PPM1L: variants seen among roughly 807,000 people sequenced by gnomAD.
PPM1L encodes protein phosphatase 1L.
Under a neutral mutation model 31.4 loss-of-function variants are expected in PPM1L, and 13 were observed. That is an observed-to-expected ratio of 0.41 (90% confidence interval 0.27 to 0.66). The LOEUF (loss-of-function observed/expected upper bound fraction) is 0.66. Among genes scored for constraint, PPM1L ranks in the 30% least tolerant of loss-of-function variants. The pLI, the probability that PPM1L is intolerant of heterozygous loss-of-function variation, is 0.29. For missense variants in PPM1L, 326 were observed against 453.7 expected, an observed-to-expected ratio of 0.72 and a Z score of 2.56; for synonymous variants, 184 against 175.4, an observed-to-expected ratio of 1.05 and a Z score of -0.39.
chr3:160,791,876 A>C (rs566452791), intron 1 of PPM1L, among the ~76,000 whole-genome samples: 3 of 152,288 alleles, frequency 2.0e-5, no homozygotes, highest in Admixed American at 2.0e-4. Flanking sequence ...CGCTACTGCA[A>C]AGGTGACATG....
intron 1 of PPM1L, among the ~76,000 whole-genome samples, chr3:160,899,760 T>G (rs182720548): frequency 1.1e-3 from 173 of 152,318 alleles, no homozygotes; most frequent in African/African-American, 4.0e-3. Flanking sequence ...GTTTATGAAT[T>G]TATTAAGGTT....
intron 1 of PPM1L, among the ~76,000 whole-genome samples, chr3:160,944,802 C>CATATATTATATATGTT (rs1553748137): frequency 0.065 from 935 of 14,284 alleles, 96 homozygotes; most frequent in African/African-American, 0.12. Context: ...TTATATATAA[C>CATATATTATATATGTT]ATATATAACA....
rs192847379 is a variant in PPM1L, at chr3:160,875,024, A to T, written c.400-86712A>T. On this transcript the variant is annotated intron_variant, in intron 1 of 3. Transcript: ENST00000498165. ...GAAATAAACTCTGAGCCCTTCTCCA[A>T]ACTGCAGATTCATGAACAAAATGAA... Among the ~76,000 whole-genome samples the T allele has an allele frequency of 2.2e-3, 341 of 152,312 alleles. 2 individuals carry two copies. The highest frequency in any genetic ancestry group is 4.2e-3 in the Non-Finnish European group (287 of 68,032).
chr3:160,761,036 A>G (rs1310403417), intron 1 of PPM1L, among the ~76,000 whole-genome samples: 2 of 152,132 alleles, frequency 1.3e-5, no homozygotes, highest in Non-Finnish European at 2.9e-5. Context: ...CCTGAAGAAT[A>G]TATATATAGT....
rs181502029 is a variant in PPM1L, at chr3:160,820,143, C to T, written c.399+63436C>T. 2.0e-5 allele frequency among the ~76,000 whole-genome samples: 3 copies of T among 152,108 alleles called. No individual in the cohort carries two copies. The East Asian group carries it at 5.8e-4, about 29-fold the overall frequency. ...AGAGGATGATGAGGCATAACCTTAGCAGTGATAGTGGAATGAAGAGCTGGA... is the reference window on the plus strand; with the variant it reads ...AGAGGATGATGAGGCATAACCTTAGTAGTGATAGTGGAATGAAGAGCTGGA... On this transcript the variant is annotated intron_variant, in intron 1 of 3. Transcript: ENST00000498165.
intron 2 of PPM1L, among the ~76,000 whole-genome samples, chr3:161,045,619 G>A (rs939548500): frequency 2.6e-5 from 4 of 152,200 alleles, no homozygotes; most frequent in African/African-American, 9.7e-5. Context: ...CACATTTAAA[G>A]CAGTGTGTAG....
intron 1 of PPM1L, among the ~76,000 whole-genome samples, chr3:160,875,633 C>T (rs1712481790): frequency 6.6e-6 from 1 of 152,236 alleles, no homozygotes; most frequent in Non-Finnish European, 1.5e-5. Flanking sequence ...GTGCAAGGCA[C>T]TATGCTAAGT....
chr3:160,877,591 C>A (rs561408493), intron 1 of PPM1L, among the ~76,000 whole-genome samples: 1 of 152,124 alleles, frequency 6.6e-6, no homozygotes, highest in East Asian at 1.9e-4. Context: ...GGTTTAGGAG[C>A]ATAGGTTTAA....
intron 1 of PPM1L, among the ~76,000 whole-genome samples, chr3:160,833,396 A>G (rs764560378): frequency 6.6e-6 from 1 of 152,186 alleles, no homozygotes; most frequent in Non-Finnish European, 1.5e-5. Flanking sequence ...ATTCCCACCA[A>G]CAGTGTAAAA....
chr3:160,974,237 T>C (rs112871042), intron 2 of PPM1L, among the ~76,000 whole-genome samples: 1 of 151,660 alleles, frequency 6.6e-6, no homozygotes, highest in African/African-American at 2.4e-5. Context: ...TTCCATGGTG[T>C]ATATGTGCCA....
intron 1 of PPM1L, among the ~76,000 whole-genome samples, chr3:160,783,233 C>T (rs991495139): frequency 6.6e-6 from 1 of 152,092 alleles, no homozygotes; most frequent in African/African-American, 2.4e-5. Flanking sequence ...CTACATCCTG[C>T]AGTTATATTA....
intron 1 of PPM1L, among the ~76,000 whole-genome samples, chr3:160,910,586 C>T (rs1041330847): frequency 6.6e-5 from 10 of 152,184 alleles, no homozygotes; most frequent in Admixed American, 2.0e-4. Context: ...GTTGGGATTA[C>T]AGGCGTGAGC....
chr3:160,981,081 G>T (rs771544797), intron 2 of PPM1L, among the ~76,000 whole-genome samples: 2 of 152,158 alleles, frequency 1.3e-5, no homozygotes, highest in African/African-American at 2.4e-5. Flanking sequence ...TCCTTGCCCT[G>T]TCCTGTATGG....
intron 1 of PPM1L, among the ~76,000 whole-genome samples, chr3:160,781,219 T>C (rs905678671): frequency 6.6e-6 from 1 of 152,206 alleles, no homozygotes; most frequent in Non-Finnish European, 1.5e-5. Context: ...CTTTTAGTGA[T>C]AGAGCGACTC....
intron 1 of PPM1L, among the ~76,000 whole-genome samples, chr3:160,954,937 TTCC>T (rs771574722): frequency 0.24 from 14,023 of 57,864 alleles, 762 homozygotes; most frequent in Non-Finnish European, 0.28. Context: ...CCTTCCTTCC[TTCC>T]TTCCTTCCTT....
chr3:161,058,668 A>G (rs946614522), intron 2 of PPM1L, among the ~76,000 whole-genome samples: 1 of 152,058 alleles, frequency 6.6e-6, no homozygotes, highest in Non-Finnish European at 1.5e-5. Flanking sequence ...CGTTTTCCTC[A>G]TCTGCTTAGA....
intron 1 of PPM1L, among the ~76,000 whole-genome samples, chr3:160,847,525 G>C (rs1194839993): frequency 6.6e-6 from 1 of 152,160 alleles, no homozygotes; most frequent in African/African-American, 2.4e-5. Context: ...ATCTCAACTG[G>C]TAAGTGTGAT....
At chr3:160,821,979 G>A (rs1301492343) in intron 1 of PPM1L, among the ~76,000 whole-genome samples, 2 of 151,970 alleles carry the variant, frequency 1.3e-5, no homozygotes, top group South Asian at 2.1e-4. Context: ...AGAGGCAAAG[G>A]TGGGATCAGA....
chr3:160,811,113 T>G (rs1712790790), intron 1 of PPM1L, among the ~76,000 whole-genome samples: 1 of 152,230 alleles, frequency 6.6e-6, no homozygotes, highest in African/African-American at 2.4e-5. Context: ...AGCTGGAATA[T>G]GCAAAGGCAT....
Sources: allele counts gnomAD v4.1 joint callset (sites outside exome capture counted in the v4.1 genomes callset), GRCh38; gene constraint gnomAD v4.1.1; transcripts MANE v1.5; gene names NCBI Gene and HGNC (gene_info 2026-07-23, HGNC 2026-07-21).